The following RNF130 variants were observed in gnomAD, a reference collection of about 807,000 sequenced individuals.
The protein encoded by RNF130 is ring finger protein 130.
RNF130 carries 21 observed loss-of-function variants against 44.6 expected under a neutral mutation model. That is an observed-to-expected ratio of 0.47 (90% confidence interval 0.33 to 0.68). The LOEUF (loss-of-function observed/expected upper bound fraction) is 0.68, where lower values mean the gene tolerates loss of function less well. RNF130 is among the 30% of genes least tolerant of loss of function. The pLI, the probability that RNF130 is intolerant of heterozygous loss-of-function variation, is 0.02. For missense variants in RNF130, 479 were observed against 560.6 expected (o/e 0.85, Z 1.47); for synonymous variants, 214 against 210.4 (o/e 1.02, Z -0.15).
chr5:179,979,946 C>G, intron 4 of RNF130, among the ~76,000 whole-genome samples, 183 bp downstream of exon 4: 1 of 152,216 alleles, frequency 6.6e-6, no homozygotes, highest in Middle Eastern at 3.4e-3. Context: ...GCAGAAGAAA[C>G]CTCTGTAGGA....
At chr5:179,922,195 G>A (rs1761642408) in intron 7 of RNF130, among the ~76,000 whole-genome samples, 1 of 149,522 alleles carries the variant, frequency 6.7e-6, no homozygotes, top group Admixed American at 6.6e-5. Context: ...ATTCTCTGAT[G>A]ACTAGTGACG....
At chr5:179,988,001 T>G (rs1762993319) in intron 3 of RNF130, among the ~76,000 whole-genome samples, 1 of 152,228 alleles carries the variant, frequency 6.6e-6, no homozygotes, top group Non-Finnish European at 1.5e-5. Flanking sequence ...GAAAGAATTC[T>G]CTCTTCTTTC....
intron 1 of RNF130, among the ~76,000 whole-genome samples, chr5:180,056,390 C>A (rs1447950237): frequency 6.6e-6 from 1 of 152,074 alleles, no homozygotes; most frequent in African/African-American, 2.4e-5. Context: ...AGCCACAGAC[C>A]AGAGGAGGCT....
chr5:179,931,220 T>C (rs1033339335), intron 7 of RNF130, among the ~76,000 whole-genome samples: 2 of 152,128 alleles, frequency 1.3e-5, no homozygotes, highest in African/African-American at 4.8e-5. Flanking sequence ...ACTGGGACTG[T>C]AACACTGATG....
chr5:180,032,488 T>C (rs1764152530), intron 2 of RNF130, among the ~76,000 whole-genome samples: 1 of 152,140 alleles, frequency 6.6e-6, no homozygotes, highest in Admixed American at 6.6e-5. Context: ...TCTACCACTT[T>C]AGCCTCCCAA....
exon 8 of RNF130, chr5:179,919,256 T>C (rs1458675134): frequency 1.3e-5 from 2 of 152,298 alleles, no homozygotes; most frequent in East Asian, 1.9e-4. Context: ...AGATCCCACA[T>C]GTCCCTGATG....
intron 3 of RNF130, among the ~76,000 whole-genome samples, chr5:180,001,239 CT>C (rs1763329539): frequency 6.6e-6 from 1 of 152,112 alleles, no homozygotes; most frequent in African/African-American, 2.4e-5. Flanking sequence ...ACCTACTATT[CT>C]TGCTTTCCCC....
intron 1 of RNF130, among the ~76,000 whole-genome samples, chr5:180,055,466 G>A (rs949733358): frequency 3.3e-5 from 5 of 151,916 alleles, no homozygotes; most frequent in African/African-American, 9.7e-5. Context: ...GTGTGTGTGT[G>A]TGTGCGCGCG....
intron 1 of RNF130, among the ~76,000 whole-genome samples, chr5:180,066,072 A>G (rs886999523): frequency 2.0e-5 from 3 of 152,240 alleles, no homozygotes; most frequent in African/African-American, 7.2e-5. Flanking sequence ...ATATATGTGT[A>G]CACATACACA....
exon 8 of RNF130, chr5:179,912,641 A>G (rs1272321049): frequency 1.3e-5 from 2 of 152,300 alleles, no homozygotes; most frequent in African/African-American, 4.8e-5. Context: ...CACAGAGCAC[A>G]GCCAGCAATC....
At chr5:179,973,904 T>G (rs1174884088) in intron 5 of RNF130, among the ~76,000 whole-genome samples, 2 of 152,136 alleles carry the variant, frequency 1.3e-5, no homozygotes, top group Admixed American at 6.6e-5. Flanking sequence ...TGAGAAATAC[T>G]TGGGGATACA....
chr5:179,963,595 C>T, intron 7 of RNF130, 31 bp from the exon 8 acceptor site: 1 of 1,491,114 alleles, frequency 6.7e-7, no homozygotes. Context: ...GGAAATCACT[C>T]TGGGGAGAAG....
chr5:180,051,238 A>ATATTTATTTATT (rs61340522), intron 1 of RNF130, among the ~76,000 whole-genome samples: 17,735 of 143,988 alleles, frequency 0.12, 1,198 homozygotes, highest in East Asian at 0.17. Flanking sequence ...TATAGATATT[A>ATATTTATTTATT]TATTTATTTA....
intron 2 of RNF130, among the ~76,000 whole-genome samples, chr5:180,032,528 G>T (rs1582205426): frequency 6.6e-6 from 1 of 152,068 alleles, no homozygotes; most frequent in Non-Finnish European, 1.5e-5. Context: ...GAGCCACGAG[G>T]CCCGGCTTCT....
intron 7 of RNF130, among the ~76,000 whole-genome samples, chr5:179,944,373 T>C (rs551552119): frequency 1.3e-5 from 2 of 152,232 alleles, no homozygotes; most frequent in African/African-American, 2.4e-5. Context: ...GGAAACTTCA[T>C]TGTGTTCCTA....
chr5:180,040,486 A>G lies in RNF130; in HGVS notation c.409T>C (p.Ser137Pro). The stretch of plus-strand genomic sequence containing the variant: ...GTCATGGTAACTGGCTCCTCTTTGG[A>G]TTTATTATTGTAGATGACTACAGCA... ...AVAVVIYNNK[S>P]KEEPVTMTHP... The change falls in exon 2 of 9, where the codon TCC (serine) becomes CCC (proline). Residue 137 changes from serine to proline, a missense_variant. Ser to Pro is a moderately conservative substitution (Grantham distance 74, BLOSUM62 -1). Around this residue, in one of 3 missense-constraint regions of RNF130, gnomAD observed 180 missense variants for 275.1 expected, o/e 0.65. Transcript: ENST00000521389. The G allele has an allele frequency of 6.2e-7, 1 of 1,613,586 alleles. No homozygotes were observed. Among genetic ancestry groups the G allele is most frequent in the South Asian group, 1.1e-5 (1 of 90,938 alleles).
intron 1 of RNF130, among the ~76,000 whole-genome samples, chr5:180,057,377 C>T (rs1400874675): frequency 2.6e-5 from 4 of 152,148 alleles, no homozygotes; most frequent in African/African-American, 9.7e-5. Flanking sequence ...GGTGAAACCC[C>T]ATCTCTACTA....
chr5:179,946,640 G>A (rs1273173646), intron 7 of RNF130, among the ~76,000 whole-genome samples: 3 of 149,686 alleles, frequency 2.0e-5, no homozygotes, highest in South Asian at 2.1e-4. Flanking sequence ...TGCAAGCTCC[G>A]CCTCCCGGGT....
intron 3 of RNF130, among the ~76,000 whole-genome samples, chr5:180,010,195 T>C (rs939024278): frequency 1.1e-4 from 14 of 126,162 alleles, no homozygotes; most frequent in Non-Finnish European, 1.7e-4. Flanking sequence ...TGCAGTAAGC[T>C]GAGATCCAGC....
Sources: gnomAD v4.1 joint callset for allele counts (sites outside exome capture counted in the v4.1 genomes callset) on GRCh38, gnomAD v4.1.1 for gene constraint, gnomAD v4.1.1 regional missense constraint, MANE v1.5 for transcripts, NCBI Gene and HGNC (gene_info 2026-07-23, HGNC 2026-07-21) for gene names.